TENM3: variants seen among roughly 807,000 people sequenced by gnomAD.
TENM3 encodes the protein teneurin-3.
TENM3 carries 63 observed loss-of-function variants against 255.1 expected under a neutral mutation model. The observed-to-expected ratio is 0.25, with a 90% CI of 0.20 to 0.30. TENM3 has a LOEUF of 0.30. Ranked by LOEUF, TENM3 falls within the 10% of genes least tolerant of loss-of-function variation. The pLI is 1.00. For synonymous variants in TENM3, 1,306 were observed against 1,322.3 expected (o/e 0.99, Z 0.27); for missense variants, 2,929 against 3,461.1 (o/e 0.85, Z 3.86).
At chr4:181,767,500 G>A in the TENM3 span, among the ~76,000 whole-genome samples, 1 of 151,976 alleles carries the variant, frequency 6.6e-6, no homozygotes, top group Non-Finnish European at 1.5e-5. Context: ...TATAATTTCC[G>A]TTGAATGGAT....
chr4:181,756,280 T>C, the TENM3 span, among the ~76,000 whole-genome samples: 1 of 152,096 alleles, frequency 6.6e-6, no homozygotes, highest in African/African-American at 2.4e-5. Flanking sequence ...GTAGCATAAA[T>C]AGGAAAAAAA....
chr4:181,703,794 G>A, the TENM3 span, among the ~76,000 whole-genome samples: 1 of 120,188 alleles, frequency 8.3e-6, no homozygotes, highest in African/African-American at 2.6e-5. Context: ...AGTTCTTTGG[G>A]GAGTTTTTTT....
chr4:182,681,729 A>G, intron 10 of TENM3, 85 bp from the exon 11 acceptor site: 1 of 992,900 alleles, frequency 1.0e-6, no homozygotes, highest in Non-Finnish European at 1.5e-6. Flanking sequence ...ATGTTCATAT[A>G]AATTAGATTA....
Position 182,792,319 on chromosome 4 carries a change from T to C in TENM3, c.5647T>C (p.Tyr1883His). 6.2e-7 allele frequency: 1 copy of C among 1,614,006 alleles called. No homozygotes were observed. The highest frequency in any genetic ancestry group is 8.5e-7 in the Non-Finnish European group (1 of 1,179,886). ...LHSQRQYIFE[Y>H]DMWDRLSAIT... ...TAGCCAGCGGCAGTACATCTTCGAATACGATATGTGGGACCGCCTGTCTGC... is the reference window on the plus strand; with the variant it reads ...TAGCCAGCGGCAGTACATCTTCGAACACGATATGTGGGACCGCCTGTCTGC... Residue 1883 changes from tyrosine (Y) to histidine (H), a missense_variant, in exon 26 of 28, where the codon TAC becomes CAC. This residue lies in a region of TENM3 where 303 missense variants were observed against 425.2 expected (regional missense o/e 0.71). Coordinates refer to ENST00000511685, the MANE Select transcript of TENM3 (RefSeq NM_001080477.4). The surrounding 1 kb of genome is among the most constrained non-coding windows in gnomAD (Gnocchi z 6.3).
At chr4:181,455,134 G>T in the TENM3 span, among the ~76,000 whole-genome samples, 2 of 152,090 alleles carry the variant, frequency 1.3e-5, no homozygotes, top group Non-Finnish European at 2.9e-5. Flanking sequence ...TACAAAAAGA[G>T]AACTTATGAT....
At chr4:181,510,071 T>A in the TENM3 span, among the ~76,000 whole-genome samples, 1 of 152,190 alleles carries the variant, frequency 6.6e-6, no homozygotes, top group Non-Finnish European at 1.5e-5. Context: ...CATATGTGAG[T>A]TCAATAGTGA....
chr4:181,871,913 A>G, the TENM3 span, among the ~76,000 whole-genome samples: 1 of 152,108 alleles, frequency 6.6e-6, no homozygotes. Context: ...ATAAACCCTC[A>G]TTTGATCATA....
At chr4:181,742,005 G>A in the TENM3 span, among the ~76,000 whole-genome samples, 1 of 152,154 alleles carries the variant, frequency 6.6e-6, no homozygotes, top group Admixed American at 6.6e-5. Context: ...TGTGTCATTT[G>A]TTAGGCATCT....
chr4:181,972,765 G>A, the TENM3 span, among the ~76,000 whole-genome samples: 1 of 152,146 alleles, frequency 6.6e-6, no homozygotes, highest in Non-Finnish European at 1.5e-5. Flanking sequence ...CCAGATCCCA[G>A]GGACAACATG....
the TENM3 span, among the ~76,000 whole-genome samples, chr4:181,639,721 C>T: frequency 0.051 from 7,803 of 152,196 alleles, 279 homozygotes; most frequent in South Asian, 0.11. Context: ...GCCTGGGGGA[C>T]AAGAGCAAGA....
chr4:181,509,448 C>T, the TENM3 span, among the ~76,000 whole-genome samples: 4,776 of 151,718 alleles, frequency 0.031, 119 homozygotes, highest in Non-Finnish European at 0.049. Context: ...TGTAACTCTT[C>T]GGGCTTCCTT....
At chr4:181,682,659 T>A in the TENM3 span, among the ~76,000 whole-genome samples, 2 of 152,172 alleles carry the variant, frequency 1.3e-5, no homozygotes, top group African/African-American at 4.8e-5. Flanking sequence ...ACCATCAGAC[T>A]TTTAAATGAC....
At chr4:182,763,966 T>G (rs1763441098) in intron 22 of TENM3, among the ~76,000 whole-genome samples, 1 of 152,242 alleles carries the variant, frequency 6.6e-6, no homozygotes, top group African/African-American at 2.4e-5. Context: ...ATTTCTAGTT[T>G]TTTAACTTAA....
the TENM3 span, among the ~76,000 whole-genome samples, chr4:181,815,278 C>A: frequency 2.0e-5 from 3 of 150,898 alleles, no homozygotes; most frequent in Non-Finnish European, 4.4e-5. Context: ...ATGGTGAAAC[C>A]CCGTCTCTAC....
intron 12 of TENM3, among the ~76,000 whole-genome samples, chr4:182,710,069 T>A (rs1005705407): frequency 6.6e-6 from 1 of 152,226 alleles, no homozygotes; most frequent in Non-Finnish European, 1.5e-5. Flanking sequence ...TGTCCACCCT[T>A]AAAACTGCTA....
At chr4:181,967,452 T>C in the TENM3 span, among the ~76,000 whole-genome samples, 6 of 152,088 alleles carry the variant, frequency 3.9e-5, no homozygotes, top group African/African-American at 1.4e-4. Context: ...CTCCTGTTAA[T>C]TTTTTTTGGA....
chr4:181,804,733 G>A, the TENM3 span, among the ~76,000 whole-genome samples: 1 of 152,132 alleles, frequency 6.6e-6, no homozygotes, highest in South Asian at 2.1e-4. Context: ...GTGGATGCCT[G>A]GTGTGGTGGC....
the TENM3 span, among the ~76,000 whole-genome samples, chr4:182,031,230 A>T: frequency 2.0e-5 from 3 of 152,228 alleles, no homozygotes; most frequent in Non-Finnish European, 4.4e-5. Context: ...TAATTTTTCT[A>T]TAAGGTGTAA....
chr4:182,731,988 G>A (rs7680049), intron 16 of TENM3, among the ~76,000 whole-genome samples: 122,076 of 151,586 alleles, frequency 0.81, 49,245 homozygotes, highest in Admixed American at 0.84. Context: ...TCATCATGTT[G>A]GCCAGGATGG....
Sources: gnomAD v4.1 joint callset for allele counts (sites outside exome capture counted in the v4.1 genomes callset) on GRCh38, gnomAD v4.1.1 for gene constraint, gnomAD v4.1.1 regional missense constraint, Gnocchi (gnomAD v3.1) non-coding constraint, MANE v1.5 for transcripts, NCBI Gene and HGNC (gene_info 2026-07-23, HGNC 2026-07-21) for gene names.